IQCM: variants seen among roughly 807,000 people sequenced by gnomAD.
IQCM encodes IQ motif containing M.
In IQCM, 45 loss-of-function variants were observed where a neutral mutation model predicts 57.6. That is an observed-to-expected ratio of 0.78 (90% confidence interval 0.62 to 1.00). The LOEUF (loss-of-function observed/expected upper bound fraction) is 1.00. Ranked by LOEUF, IQCM falls within the 50% of genes least tolerant of loss-of-function variation. The probability of loss-of-function intolerance (pLI) is 0.00; values close to 1 mark genes in which losing one functional copy is unlikely to be tolerated. For missense variants in IQCM, 468 were observed against 511.6 expected (o/e 0.91, Z 0.82); for synonymous variants, 148 against 158.9 (o/e 0.93, Z 0.51).
intron 5 of IQCM, among the ~76,000 whole-genome samples, chr4:149,711,333 G>C (rs1270574547): frequency 6.6e-6 from 1 of 152,162 alleles, no homozygotes; most frequent in African/African-American, 2.4e-5. Flanking sequence ...CACACTGTAT[G>C]AATTAAATGA....
intron 11 of IQCM, among the ~76,000 whole-genome samples, chr4:149,550,397 C>T (rs976663166): frequency 2.2e-4 from 33 of 152,256 alleles, no homozygotes; most frequent in Admixed American, 1.2e-3. Context: ...GGATCTGATT[C>T]TAAACTAAAA....
At chr4:149,500,550 C>A (rs992153147) in intron 12 of IQCM, among the ~76,000 whole-genome samples, 1 of 152,092 alleles carries the variant, frequency 6.6e-6, no homozygotes, top group Admixed American at 6.5e-5. Context: ...AAAAGCCATA[C>A]AAACTTGAAA....
At chr4:149,527,155 C>T (rs1400691892) in intron 12 of IQCM, among the ~76,000 whole-genome samples, 1 of 152,122 alleles carries the variant, frequency 6.6e-6, no homozygotes, top group East Asian at 1.9e-4. Flanking sequence ...CTAAACTAAG[C>T]ATGGTGCTGG....
intron 13 of IQCM, among the ~76,000 whole-genome samples, chr4:149,374,723 GTCCTGAGACCTAGCTCCCAAC>G (rs1730588517): frequency 6.6e-6 from 1 of 152,086 alleles, no homozygotes; most frequent in East Asian, 1.9e-4. Context: ...TGGGAAACAT[GTCCTGAGACCTAGCTCCCAAC>G]TCCTGCCAAC....
intron 7 of IQCM, among the ~76,000 whole-genome samples, chr4:149,673,800 C>A (rs1161337235): frequency 6.6e-6 from 1 of 152,110 alleles, no homozygotes; most frequent in African/African-American, 2.4e-5. Flanking sequence ...AACTCTCCAC[C>A]CCAAATCAAC....
chr4:149,509,096 C>T (rs558723793), intron 12 of IQCM, among the ~76,000 whole-genome samples: 1 of 152,246 alleles, frequency 6.6e-6, no homozygotes, highest in East Asian at 1.9e-4. Flanking sequence ...GTAAATTGCC[C>T]AGTCTTGGGT....
chr4:149,455,266 T>C (rs1188691628), intron 12 of IQCM, among the ~76,000 whole-genome samples: 1 of 152,052 alleles, frequency 6.6e-6, no homozygotes, highest in Non-Finnish European at 1.5e-5. Context: ...AGAGGAGCTA[T>C]AGATATGGCT....
chr4:149,677,583 TA>T (rs1284666491), intron 7 of IQCM, among the ~76,000 whole-genome samples: 1 of 151,834 alleles, frequency 6.6e-6, no homozygotes, highest in Non-Finnish European at 1.5e-5. Flanking sequence ...AAATAATAAT[TA>T]AATAAGACCA....
chr4:149,692,389 G>A (rs1465047041), intron 5 of IQCM, among the ~76,000 whole-genome samples: 1 of 152,116 alleles, frequency 6.6e-6, no homozygotes, highest in Non-Finnish European at 1.5e-5. Context: ...GGAAAATGTA[G>A]TATTGTTAGG....
At chr4:149,497,553 T>A (rs1742790608) in intron 12 of IQCM, among the ~76,000 whole-genome samples, 1 of 151,936 alleles carries the variant, frequency 6.6e-6, no homozygotes, top group South Asian at 2.1e-4. Context: ...TCAGATCTCA[T>A]AAAATTTATT....
chr4:149,756,996 C>T (rs565503354), intron 2 of IQCM, among the ~76,000 whole-genome samples: 4 of 152,314 alleles, frequency 2.6e-5, no homozygotes, highest in East Asian at 1.9e-4. Flanking sequence ...TGGTGGCTCA[C>T]GCCTGTAATC....
intron 7 of IQCM, among the ~76,000 whole-genome samples, chr4:149,640,159 G>T (rs1003079736): frequency 6.6e-6 from 1 of 152,156 alleles, no homozygotes; most frequent in Non-Finnish European, 1.5e-5. Flanking sequence ...TTTAAAAAAT[G>T]TGTGGGTACA....
At chr4:149,542,494 A>T (rs9884153) in intron 12 of IQCM, among the ~76,000 whole-genome samples, 5,853 of 152,138 alleles carry the variant, frequency 0.038, 398 homozygotes, top group African/African-American at 0.13. Flanking sequence ...GCAAAATTAA[A>T]GTTCCAGCTC....
Position 149,747,224 on chromosome 4 carries a change from G to C in IQCM, c.-48-4485C>G, listed in dbSNP as rs368662471. Reference sequence around the variant, plus strand: ...ACCAAACAGAACAAGTTCCAATGAGGGCCAATATAACAGGACAAATATTAG... The same window carrying C: ...ACCAAACAGAACAAGTTCCAATGAGCGCCAATATAACAGGACAAATATTAG... On this transcript the variant is annotated intron_variant, in intron 2 of 13. Transcript: ENST00000636793. 2.3e-4 allele frequency among the ~76,000 whole-genome samples: 35 copies of C among 152,154 alleles called. No individual in the cohort carries two copies. In the South Asian group the frequency reaches 7.3e-3, roughly 32 times the overall value.
intron 2 of IQCM, among the ~76,000 whole-genome samples, chr4:149,780,839 A>C (rs1771538064): frequency 6.6e-6 from 1 of 152,148 alleles, no homozygotes; most frequent in Non-Finnish European, 1.5e-5. Context: ...CTAAAAGCCT[A>C]AGATAGTGAA....
At chr4:149,529,659 G>A (rs1008416851) in intron 12 of IQCM, among the ~76,000 whole-genome samples, 4 of 152,094 alleles carry the variant, frequency 2.6e-5, no homozygotes, top group African/African-American at 9.7e-5. Flanking sequence ...GATTCCAAAG[G>A]TTATAAAATG....
At chr4:149,405,605 G>C (rs561087457) in intron 13 of IQCM, among the ~76,000 whole-genome samples, 1 of 151,272 alleles carries the variant, frequency 6.6e-6, no homozygotes, top group Non-Finnish European at 1.5e-5. Flanking sequence ...ACTAAAGAAA[G>C]GGATAGAAAA....
chr4:149,548,241 T>A (rs1393526876), intron 12 of IQCM, among the ~76,000 whole-genome samples: 1 of 152,222 alleles, frequency 6.6e-6, no homozygotes. Context: ...CTGTATTGTA[T>A]TAACTTCTTT....
intron 12 of IQCM, among the ~76,000 whole-genome samples, chr4:149,507,658 T>C (rs1365937145): frequency 6.6e-6 from 1 of 152,092 alleles, no homozygotes; most frequent in Non-Finnish European, 1.5e-5. Context: ...TTAAAGATAT[T>C]CAGTTTTAAA....
Sources: gnomAD v4.1 joint callset for allele counts (sites outside exome capture counted in the v4.1 genomes callset) on GRCh38, gnomAD v4.1.1 for gene constraint, MANE v1.5 for transcripts, NCBI Gene and HGNC (gene_info 2026-07-23, HGNC 2026-07-21) for gene names.